OSBPL1A: variants seen among roughly 807,000 people sequenced by gnomAD.
OSBPL1A encodes the protein oxysterol binding protein like 1A, also known as oxysterol-binding protein-related protein 1.
OSBPL1A carries 80 observed loss-of-function variants against 137.1 expected under a neutral mutation model. The observed-to-expected ratio is 0.58, with a 90% CI of 0.49 to 0.70. The LOEUF (loss-of-function observed/expected upper bound fraction) is 0.70, where lower values mean the gene tolerates loss of function less well. Ranked by LOEUF, OSBPL1A falls within the 30% of genes least tolerant of loss-of-function variation. The pLI is 0.00. For synonymous variants in OSBPL1A, 365 were observed against 389.7 expected, an observed-to-expected ratio of 0.94 and a Z score of 0.75; for missense variants, 970 against 1,129.4, an observed-to-expected ratio of 0.86 and a Z score of 2.02.
At chr18:24,221,491 C>T (rs1247435373) in intron 17 of OSBPL1A, among the ~76,000 whole-genome samples, 1 of 152,168 alleles carries the variant, frequency 6.6e-6, no homozygotes, top group African/African-American at 2.4e-5. Context: ...AAAAAAAGTC[C>T]CTATCATATT....
chr18:24,331,448 G>A (rs1393592565), intron 7 of OSBPL1A, among the ~76,000 whole-genome samples: 4 of 148,014 alleles, frequency 2.7e-5, no homozygotes, highest in African/African-American at 1.0e-4. Context: ...CCAGGCTGGA[G>A]TGCAGTGGCG....
At chr18:24,262,613 T>G (rs1481869586) in intron 15 of OSBPL1A, among the ~76,000 whole-genome samples, 1 of 152,186 alleles carries the variant, frequency 6.6e-6, no homozygotes, top group Non-Finnish European at 1.5e-5. Flanking sequence ...TACAATACCT[T>G]TATGTTAAGT....
chr18:24,358,512 C>T (rs962945914), intron 4 of OSBPL1A: 65 of 702,252 alleles, frequency 9.3e-5, no homozygotes, highest in Non-Finnish European at 1.6e-4. Context: ...GAGAACAGAT[C>T]TAGAACAAAT....
At chr18:24,204,513 G>T (rs1329679474) in intron 17 of OSBPL1A, among the ~76,000 whole-genome samples, 17 of 148,638 alleles carry the variant, frequency 1.1e-4, no homozygotes, top group Middle Eastern at 7.2e-3. Flanking sequence ...ACTAGCTTCT[G>T]TGTTTTCTAT....
rs751106039 is a variant in OSBPL1A, at chr18:24,170,366, AT to A, written c.2378del (p.Asn793MetfsTer15). 1.2e-6 allele frequency: 2 copies of A among 1,613,028 alleles called. No homozygotes were observed. Among genetic ancestry groups the A allele is most frequent in the Non-Finnish European group, 1.7e-6 (2 of 1,179,464 alleles). On this transcript the variant is annotated frameshift_variant, in exon 24 of 28. Transcript: ENST00000319481. LOFTEE classifies it high-confidence loss of function. ...TCTTCTCTTCTGTATTTTTCTTATCATTTTTTTTGTAAGCGTCAAACGTGGC... is the reference window on the plus strand; with the variant it reads ...TCTTCTCTTCTGTATTTTTCTTATCATTTTTTTGTAAGCGTCAAACGTGGC... ...DPATFDAYKK[N>X]DKKNTEEKKN...
chr18:24,288,931 C>G (rs751637101), intron 14 of OSBPL1A, among the ~76,000 whole-genome samples: 18 of 152,072 alleles, frequency 1.2e-4, no homozygotes, highest in Admixed American at 4.6e-4. Flanking sequence ...CTGAACACAC[C>G]CAATCTCAGC....
chr18:24,341,680 T>G (rs1219950845), intron 4 of OSBPL1A, 22 bp from the exon 5 acceptor site: 1 of 1,522,450 alleles, frequency 6.6e-7, no homozygotes, highest in South Asian at 1.1e-5. Flanking sequence ...AGAATTTATT[T>G]TTAACTATTA....
rs56400717 is a variant in OSBPL1A, at chr18:24,365,025, CAAAA to C, written c.282+1863_282+1866del. Among the ~76,000 whole-genome samples the C allele has an allele frequency of 6.7e-5, 6 of 89,680 alleles. No homozygotes were observed. In the East Asian group the frequency reaches 1.1e-3, roughly 17 times the overall value. The allele number at this position is 89,680 out of a possible 152,430, so 58.8% of individuals were successfully genotyped here. ...GAGACCCTGTCTCAAAAAACAACAACAAAAAAAAAAAAAAAAAAAAAAATCCAGA... is the reference window on the plus strand; with the variant it reads ...GAGACCCTGTCTCAAAAAACAACAACAAAAAAAAAAAAAAAAAAATCCAGA... On this transcript the variant is annotated intron_variant, in intron 4 of 27. Transcript: ENST00000319481.
In OSBPL1A at chr18:24,253,315, G is replaced by A. The variant is rs116421531; in HGVS notation, c.1282-13933C>T. On this transcript the variant is annotated intron_variant, in intron 15 of 27. Transcript: ENST00000319481. ...TGTCCATGGAAACCAAAAAAGAGTA[G>A]GAGTAGCTATAATTATATCAGACAA... Among the ~76,000 whole-genome samples the A allele has an allele frequency of 2.8e-3, 433 of 152,150 alleles. 1 individual carries two copies. Among genetic ancestry groups the A allele is most frequent in the African/African-American group, 9.7e-3 (404 of 41,532 alleles).
At chr18:24,198,634 C>G (rs988332607) in intron 17 of OSBPL1A, among the ~76,000 whole-genome samples, 3 of 151,978 alleles carry the variant, frequency 2.0e-5, no homozygotes, top group Non-Finnish European at 4.4e-5. Flanking sequence ...TGGGAAGCAG[C>G]AAGAGAAACA....
chr18:24,272,044 C>G (rs2089735984), intron 15 of OSBPL1A: 1 of 982,316 alleles, frequency 1.0e-6, no homozygotes, highest in Non-Finnish European at 1.2e-6. Flanking sequence ...GCGTCCGGGC[C>G]GCTCCTCCCC....
chr18:24,206,690 T>C (rs114510018), intron 17 of OSBPL1A, among the ~76,000 whole-genome samples: 2,043 of 152,290 alleles, frequency 0.013, 40 homozygotes, highest in African/African-American at 0.045. Context: ...AGGCTTCTCT[T>C]CTGCACCCAG....
In OSBPL1A at chr18:24,271,650, CGCGCTCCACCCT is replaced by C. The variant is rs2089720428; in HGVS notation, c.1281+9180_1281+9191del. ...GGCCAGATCCGAGGACCCCGGCTGG[CGCGCTCCACCCT>C]GCGCTCCTCGCAAGCTCCAGCGCGA... is the stretch of plus-strand genomic sequence containing the variant. On this transcript the variant is annotated intron_variant, in intron 15 of 27. Transcript: ENST00000319481. This position sits in a 1 kb window ranked among gnomAD's most constrained non-coding sequence, Gnocchi z 4.0. The C allele has an allele frequency of 2.0e-6, 2 of 985,700 alleles. No individual in the cohort carries two copies. The highest frequency in any genetic ancestry group is 9.4e-5 in the South Asian group (2 of 21,306). 61.1% of individuals were successfully genotyped at this position (985,700 alleles called of 1,614,324 possible).
intron 15 of OSBPL1A, among the ~76,000 whole-genome samples, chr18:24,277,079 A>G (rs2089860206): frequency 6.6e-6 from 1 of 152,214 alleles, no homozygotes; most frequent in South Asian, 2.1e-4. Context: ...AAAAATCAAG[A>G]GAGGTAATTT....
At chr18:24,358,789 G>A (rs2091576387) in intron 4 of OSBPL1A, among the ~76,000 whole-genome samples, 1 of 152,162 alleles carries the variant, frequency 6.6e-6, no homozygotes, top group South Asian at 2.1e-4. Flanking sequence ...CATCCAAGCT[G>A]GAGTGCGGTG....
chr18:24,250,009 T>C (rs1035733029), intron 15 of OSBPL1A, among the ~76,000 whole-genome samples: 2 of 152,140 alleles, frequency 1.3e-5, no homozygotes, highest in Non-Finnish European at 2.9e-5. Flanking sequence ...TCTTTCCTTC[T>C]GCTTAAGGAG....
chr18:24,268,154 C>T lies in OSBPL1A; in HGVS notation c.1281+12688G>A, dbSNP rs2089628875. The stretch of plus-strand genomic sequence containing the variant: ...TTTTTGAGACAGGGTCTCACTCTGT[C>T]ACCCAGGTTGGAATGCAGTGGTGCA... On this transcript the variant is annotated intron_variant, in intron 15 of 27. Transcript: ENST00000319481. Among the ~76,000 whole-genome samples, 5 of 152,240 alleles carry T rather than the reference C, an allele frequency of 3.3e-5. No homozygotes were observed. The South Asian group carries it at 1.0e-3, about 32-fold the overall frequency.
chr18:24,321,091 G>A (rs993179133), intron 7 of OSBPL1A, among the ~76,000 whole-genome samples: 2 of 151,520 alleles, frequency 1.3e-5, no homozygotes, highest in African/African-American at 4.9e-5. Context: ...ACAAACTTTG[G>A]CAGTTCCATG....
At position 24,172,768 on chromosome 18, in the gene OSBPL1A, T is replaced by C. The variant is rs2086322174; in HGVS notation, c.2094-285A>G. Among the ~76,000 whole-genome samples, 4 of 152,198 alleles carry C rather than the reference T, an allele frequency of 2.6e-5. No homozygotes were observed. The Middle Eastern group carries it at 0.01, about 388-fold the overall frequency. ...TCATTTTAAGCATTCAAAAGTGTCA[T>C]GAAACATTAAAAAAAGCTAAAGTAG... is the stretch of plus-strand genomic sequence containing the variant. On this transcript the variant is annotated intron_variant, in intron 21 of 27. Coordinates refer to ENST00000319481, the MANE Select transcript of OSBPL1A (RefSeq NM_080597.4).
Sources: gnomAD v4.1 joint callset for allele counts (sites outside exome capture counted in the v4.1 genomes callset) on GRCh38, gnomAD v4.1.1 for gene constraint, Gnocchi (gnomAD v3.1) non-coding constraint, MANE v1.5 for transcripts, NCBI Gene and HGNC (gene_info 2026-07-23, HGNC 2026-07-21) for gene names.